SHISA8: variants seen among roughly 807,000 people sequenced by gnomAD.
SHISA8 encodes the protein shisa family member 8, also known as protein shisa-8.
A neutral mutation model predicts 21.1 loss-of-function variants in SHISA8; 21 were observed. The observed-to-expected ratio is 0.99, with a 90% CI of 0.71 to 1.43. SHISA8 has a LOEUF of 1.43. Among genes scored for constraint, SHISA8 ranks in the 40% most tolerant of loss-of-function variants. SHISA8 has a pLI of 0.00. For synonymous variants in SHISA8, 300 were observed against 291.4 expected (o/e 1.03, Z -0.30); for missense variants, 535 against 599.1 (o/e 0.89, Z 1.12).
Position 41,909,946 on chromosome 22 carries a change from GGGGCGGGCC to G in SHISA8, c.1004_1012del (p.Arg335_Ala337del), listed in dbSNP as rs1290171245. 6.7e-7 allele frequency: 1 copy of G among 1,493,840 alleles called. No homozygotes were observed. The highest frequency in any genetic ancestry group is 2.7e-5 in the East Asian group (1 of 36,814). 92.5% of individuals were successfully genotyped at this position (1,493,840 alleles called of 1,614,324 possible). A position where few individuals can be genotyped will look rare whatever the true frequency, so the allele number is the denominator to read the frequency against. ...GGCCCGAGCCGTCGGGTGGCTGAGC[GGGGCGGGCC>G]GGGCCGGGCGACTGGAGGTCCAGGC... On this transcript the variant is annotated inframe_deletion, in exon 4 of 4. Transcript: ENST00000621082.
chr22:41,910,465 G>A lies in SHISA8; in HGVS notation c.754C>T (p.Leu252=), dbSNP rs1364856940. ...PRLQGGGSLT[L]QPDYAKYATF... ...GCGTACTTGGCGTAGTCTGGCTGCAGCGTCAGGCTGCCGCCGCCCTGCAGC... is the reference window on the plus strand; with the variant it reads ...GCGTACTTGGCGTAGTCTGGCTGCAACGTCAGGCTGCCGCCGCCCTGCAGC... The change falls in exon 3 of 4, where the codon CTG becomes TTG. Residue 252 remains leucine (L), a synonymous_variant. Transcript: ENST00000621082. This position sits in a 1 kb window ranked among gnomAD's most constrained non-coding sequence, Gnocchi z 6.8. 1.5e-6 allele frequency: 2 copies of A among 1,299,500 alleles called. No homozygotes were observed. The highest frequency in any genetic ancestry group is 1.9e-6 in the Non-Finnish European group (2 of 1,029,084). 80.5% of individuals were successfully genotyped at this position (1,299,500 alleles called of 1,614,324 possible).
At chr22:41,912,654 GA>G (rs1238433994) in intron 1 of SHISA8, among the ~76,000 whole-genome samples, 7 of 152,114 alleles carry the variant, frequency 4.6e-5, no homozygotes, top group African/African-American at 1.7e-4. Flanking sequence ...GGTGAGACTC[GA>G]GGGGAGGACA....
At chr22:41,913,379 G>T (rs1039819690) in intron 1 of SHISA8, among the ~76,000 whole-genome samples, 1 of 152,242 alleles carries the variant, frequency 6.6e-6, no homozygotes, top group African/African-American at 2.4e-5. Flanking sequence ...GGTTGCTGGG[G>T]GCATGTGAGT....
rs2077551045 is a variant in SHISA8, at chr22:41,911,223, G to C, written c.657C>G (p.Asn219Lys). The change falls in exon 2 of 4, where the codon AAC (asparagine) becomes AAG (lysine). Residue 219 changes from asparagine to lysine, a missense_variant. Coordinates refer to ENST00000621082, the MANE Select transcript of SHISA8 (RefSeq NM_001207020.3). ...CGCCCGCCACCGACTCACCTGCGCT[G>C]TTGTGGGGGGAGCCCCGGGGGAGGC... ...GDGLPRGSPH[N>K]SADKKRLNNA... is the part of the protein sequence containing the mutation. 7.8e-7 allele frequency: 1 copy of C among 1,283,222 alleles called. No individual in the cohort carries two copies. Among genetic ancestry groups the C allele is most frequent in the Admixed American group, 3.9e-5 (1 of 25,324 alleles). 79.5% of individuals were successfully genotyped at this position (1,283,222 alleles called of 1,614,324 possible).
chr22:41,914,341 G>C lies in SHISA8; in HGVS notation c.327C>G (p.Tyr109Ter). 1.6e-6 allele frequency: 2 copies of C among 1,259,164 alleles called. No homozygotes were observed. Among genetic ancestry groups the C allele is most frequent in the Non-Finnish European group, 2.0e-6 (2 of 1,002,978 alleles). 78.0% of individuals were successfully genotyped at this position (1,259,164 alleles called of 1,614,324 possible). ...RRLDQSRCSN[Y>*]DTPAWVQTGR... ...CTGTCTGGACCCAGGCCGGCGTGTC[G>C]TAGTTGGAACAGCGGCTCTGGTCGA... Residue 109 changes from tyrosine (Y) to a stop codon, truncating the protein, a stop_gained, in exon 1 of 4, where the codon TAC becomes TAG. Coordinates refer to ENST00000621082, the MANE Select transcript of SHISA8 (RefSeq NM_001207020.3). LOFTEE classifies it high-confidence loss of function. The surrounding 1 kb of genome is among the most constrained non-coding windows in gnomAD (Gnocchi z 6.8).
At chr22:41,912,275 A>C (rs2146576551) in intron 1 of SHISA8, among the ~76,000 whole-genome samples, 1 of 152,338 alleles carries the variant, frequency 6.6e-6, no homozygotes, top group African/African-American at 2.4e-5. Context: ...AGCTGCCTTC[A>C]GAACCCGGAA....
chr22:41,914,397 G>T lies in SHISA8; in HGVS notation c.271C>A (p.Arg91Ser). Residue 91 changes from arginine (R) to serine (S), a missense_variant, in exon 1 of 4, where the codon CGC becomes AGC. Transcript: ENST00000621082. This position sits in a 1 kb window ranked among gnomAD's most constrained non-coding sequence, Gnocchi z 6.8. ...CGCGGCCCGTCGTGGCAGCAGAAGCGGTAGCCGCACGTGCCGCAGCAGAAG... is the reference window on the plus strand; with the variant it reads ...CGCGGCCCGTCGTGGCAGCAGAAGCTGTAGCCGCACGTGCCGCAGCAGAAG... ...YSFCCGTCGY[R>S]FCCHDGPRRL... 1.5e-6 allele frequency: 2 copies of T among 1,328,098 alleles called. No individual in the cohort carries two copies. The highest frequency in any genetic ancestry group is 1.9e-6 in the Non-Finnish European group (2 of 1,036,900). The allele number at this position is 1,328,098 out of a possible 1,614,324, so 82.3% of individuals were successfully genotyped here. A position where few individuals can be genotyped will look rare whatever the true frequency, so the allele number is the denominator to read the frequency against.
At position 41,911,198 on chromosome 22, in the gene SHISA8, C is replaced by T. The variant is rs1166443216; in HGVS notation, c.664+18G>A. ...CGCGTGCTCCGCCGCCGCTCAGCCC[C>T]GCCCGCCACCGACTCACCTGCGCTG... On this transcript the variant is annotated intron_variant, in intron 2 of 3. Coordinates refer to ENST00000621082, the MANE Select transcript of SHISA8 (RefSeq NM_001207020.3). 18 of 1,268,852 alleles carry T rather than the reference C, an allele frequency of 1.4e-5. No individual in the cohort carries two copies. Among genetic ancestry groups the T allele is most frequent in the Non-Finnish European group, 1.4e-5 (14 of 1,009,616 alleles). The allele number at this position is 1,268,852 out of a possible 1,614,324, so 78.6% of individuals were successfully genotyped here. A position where few individuals can be genotyped will look rare whatever the true frequency, so the allele number is the denominator to read the frequency against.
Position 41,914,356 on chromosome 22 carries a change from G to A in SHISA8, c.312C>T (p.Ser104=). 4.7e-6 allele frequency: 6 copies of A among 1,273,632 alleles called. No homozygotes were observed. The highest frequency in any genetic ancestry group is 5.9e-6 in the Non-Finnish European group (6 of 1,009,438). 78.9% of individuals were successfully genotyped at this position (1,273,632 alleles called of 1,614,324 possible). A position where few individuals can be genotyped will look rare whatever the true frequency, so the allele number is the denominator to read the frequency against. The change falls in exon 1 of 4, where the codon AGC becomes AGT. Residue 104 remains serine, a synonymous_variant. Transcript: ENST00000621082. The surrounding 1 kb of genome is among the most constrained non-coding windows in gnomAD (Gnocchi z 6.8). Reference sequence around the variant, plus strand: ...CCGGCGTGTCGTAGTTGGAACAGCGGCTCTGGTCGAGGCGCCGCGGCCCGT... The same window carrying A: ...CCGGCGTGTCGTAGTTGGAACAGCGACTCTGGTCGAGGCGCCGCGGCCCGT... ...CHDGPRRLDQ[S]RCSNYDTPAW...
intron 2 of SHISA8, 106 bp downstream of exon 2, chr22:41,911,110 T>A (rs924593581): frequency 8.5e-5 from 104 of 1,219,614 alleles, no homozygotes; most frequent in Non-Finnish European, 9.6e-5. Flanking sequence ...CCGCGGCTCA[T>A]TTCCACCGGG....
chr22:41,910,113 G>A lies in SHISA8; in HGVS notation c.846C>T (p.Pro282=). Residue 282 remains proline, a synonymous_variant, in exon 4 of 4, where the codon CCC becomes CCT. Coordinates refer to ENST00000621082, the MANE Select transcript of SHISA8 (RefSeq NM_001207020.3). The surrounding 1 kb of genome is among the most constrained non-coding windows in gnomAD (Gnocchi z 6.8). ...AAPRDFCQRF[P]ALEPSPRQPP... ...GTTGCCGCGGGGACGGCTCGAGGGC[G>A]GGGAAACGCTGACAGAAGTCCCGCG... is the stretch of plus-strand genomic sequence containing the variant. 1 of 1,239,348 alleles carries A rather than the reference G, an allele frequency of 8.1e-7. No individual in the cohort carries two copies. Among genetic ancestry groups the A allele is most frequent in the Non-Finnish European group, 1.0e-6 (1 of 994,910 alleles). 76.8% of individuals were successfully genotyped at this position (1,239,348 alleles called of 1,614,324 possible).
chr22:41,910,415 C>A lies in SHISA8; in HGVS notation c.804G>T (p.Lys268Asn), dbSNP rs952456302. The part of the protein sequence containing the change: ...KYATFKAAAL[K>N]AAEAAPRDFC... ...CCCGCACCCGCCACTCACCTGCGGC[C>A]TTGAGCGCGGCGGCCTTGAACGTGG... The change falls in exon 3 of 4, where the codon AAG (lysine) becomes AAT (asparagine). Residue 268 changes from lysine (K) to asparagine (N), a missense_variant. Transcript: ENST00000621082. This position sits in a 1 kb window ranked among gnomAD's most constrained non-coding sequence, Gnocchi z 6.8. 10 of 1,355,028 alleles carry A rather than the reference C, an allele frequency of 7.4e-6. No homozygotes were observed. The highest frequency in any genetic ancestry group is 1.5e-5 in the African/African-American group (1 of 65,604). The allele number at this position is 1,355,028 out of a possible 1,614,324, so 83.9% of individuals were successfully genotyped here.
At chr22:41,913,822 C>G (rs2077566464) in intron 1 of SHISA8, among the ~76,000 whole-genome samples, 1 of 152,116 alleles carries the variant, frequency 6.6e-6, no homozygotes, top group Non-Finnish European at 1.5e-5. Context: ...TTACCCTGGA[C>G]AGTGACCCGG....
chr22:41,914,075 G>A lies in SHISA8; in HGVS notation c.530+63C>T, dbSNP rs974093529. On this transcript the variant is annotated intron_variant, in intron 1 of 3. Coordinates refer to ENST00000621082, the MANE Select transcript of SHISA8 (RefSeq NM_001207020.3). The surrounding 1 kb of genome is among the most constrained non-coding windows in gnomAD (Gnocchi z 6.8). ...CCAGCGCTTCGAGAGCGGCGGGAAG[G>A]ATCAGCGGGCAGGGAGAGCAGTCCG... 2.8e-5 allele frequency: 37 copies of A among 1,310,900 alleles called. No individual in the cohort carries two copies. Among genetic ancestry groups the A allele is most frequent in the Non-Finnish European group, 3.6e-5 (37 of 1,030,028 alleles). 81.2% of individuals were successfully genotyped at this position (1,310,900 alleles called of 1,614,324 possible).
In SHISA8 at chr22:41,910,746, C is replaced by T. The variant is rs1326785580; in HGVS notation, c.665-192G>A. Among the ~76,000 whole-genome samples, 1 of 152,144 alleles carries T rather than the reference C, an allele frequency of 6.6e-6. No individual in the cohort carries two copies. The highest frequency in any genetic ancestry group is 1.5e-5 in the Non-Finnish European group (1 of 68,004). Reference sequence around the variant, plus strand: ...TGGAACAGGGCCTGGCTCCGAGTCACGCGCAGCGGCGGCGGCAGCCAGCCC... The same window carrying T: ...TGGAACAGGGCCTGGCTCCGAGTCATGCGCAGCGGCGGCGGCAGCCAGCCC... On this transcript the variant is annotated intron_variant, in intron 2 of 3. Transcript: ENST00000621082. The surrounding 1 kb of genome is among the most constrained non-coding windows in gnomAD (Gnocchi z 6.8).
Position 41,910,502 on chromosome 22 carries a change from CG to C in SHISA8, c.716del (p.Pro239ArgfsTer12). The C allele has an allele frequency of 5.6e-6, 7 of 1,255,130 alleles. No homozygotes were observed. The highest frequency in any genetic ancestry group is 7.0e-5 in the South Asian group (2 of 28,634). The allele number at this position is 1,255,130 out of a possible 1,614,324, so 77.7% of individuals were successfully genotyped here. On this transcript the variant is annotated frameshift_variant, in exon 3 of 4. Coordinates refer to ENST00000621082, the MANE Select transcript of SHISA8 (RefSeq NM_001207020.3). LOFTEE classifies it high-confidence loss of function. The surrounding 1 kb of genome is among the most constrained non-coding windows in gnomAD (Gnocchi z 6.8). Reference protein sequence around the residue: ...APRGSAAPGPPRGPRLQGGGS... With the variant: ...APRGSAAPGPXRGPRLQGGGS... ...CGCCGCCCTGCAGCCGCGGGCCGCG[CG>C]GGGGCCCCGGGGCGGCCGACCCCCG...
chr22:41,910,751 A>G lies in SHISA8; in HGVS notation c.665-197T>C, dbSNP rs2077546705. Among the ~76,000 whole-genome samples, 1 of 152,032 alleles carries G rather than the reference A, an allele frequency of 6.6e-6. No individual in the cohort carries two copies. The highest frequency in any genetic ancestry group is 1.5e-5 in the Non-Finnish European group (1 of 67,982). On this transcript the variant is annotated intron_variant, in intron 2 of 3. Coordinates refer to ENST00000621082, the MANE Select transcript of SHISA8 (RefSeq NM_001207020.3). The surrounding 1 kb of genome is among the most constrained non-coding windows in gnomAD (Gnocchi z 6.8). Reference sequence around the variant, plus strand: ...CAGGGCCTGGCTCCGAGTCACGCGCAGCGGCGGCGGCAGCCAGCCCGGGGG... The same window carrying G: ...CAGGGCCTGGCTCCGAGTCACGCGCGGCGGCGGCGGCAGCCAGCCCGGGGG...
In SHISA8 at chr22:41,910,617, C is replaced by A; in HGVS notation, c.665-63G>T. The A allele has an allele frequency of 1.6e-5, 19 of 1,214,346 alleles. No individual in the cohort carries two copies. The highest frequency in any genetic ancestry group is 2.5e-4 in the Middle Eastern group (1 of 4,034). The allele number at this position is 1,214,346 out of a possible 1,614,324, so 75.2% of individuals were successfully genotyped here. A position where few individuals can be genotyped will look rare whatever the true frequency, so the allele number is the denominator to read the frequency against. On this transcript the variant is annotated intron_variant, in intron 2 of 3. Transcript: ENST00000621082. This position sits in a 1 kb window ranked among gnomAD's most constrained non-coding sequence, Gnocchi z 6.8. ...CCGGTTCACTCCGCCCTCGCTGTCACCTCTCCGTAGTCCTCTCCCCGAGGC... is the reference window on the plus strand; with the variant it reads ...CCGGTTCACTCCGCCCTCGCTGTCAACTCTCCGTAGTCCTCTCCCCGAGGC...
At position 41,910,051 on chromosome 22, in the gene SHISA8, G is replaced by C; in HGVS notation, c.908C>G (p.Pro303Arg). 1 of 1,254,770 alleles carries C rather than the reference G, an allele frequency of 8.0e-7. No homozygotes were observed. Among genetic ancestry groups the C allele is most frequent in the Non-Finnish European group, 1.0e-6 (1 of 1,004,862 alleles). The allele number at this position is 1,254,770 out of a possible 1,614,324, so 77.7% of individuals were successfully genotyped here. The part of the protein sequence containing the change: ...ARAPRPSPDL[P>R]APLDACPWAP... ...CCAGGGGCAGGCGTCCAGCGGCGCA[G>C]GCAAGTCCGGGGATGGTCGCGGAGC... Residue 303 changes from proline (P) to arginine (R), a missense_variant, in exon 4 of 4, where the codon CCT (proline) becomes CGT (arginine). Coordinates refer to ENST00000621082, the MANE Select transcript of SHISA8 (RefSeq NM_001207020.3). This position sits in a 1 kb window ranked among gnomAD's most constrained non-coding sequence, Gnocchi z 6.8.
Sources: gnomAD v4.1 joint callset for allele counts (sites outside exome capture counted in the v4.1 genomes callset) on GRCh38, gnomAD v4.1.1 for gene constraint, Gnocchi (gnomAD v3.1) non-coding constraint, MANE v1.5 for transcripts, NCBI Gene and HGNC (gene_info 2026-07-23, HGNC 2026-07-21) for gene names.